Variants in AP3M2 observed in about 807,000 individuals in gnomAD.
AP3M2 encodes the protein adaptor related protein complex 3 subunit mu 2.
A neutral mutation model predicts 41.6 loss-of-function variants in AP3M2; 28 were observed. That is an observed-to-expected ratio of 0.67 (90% CI 0.50 to 0.92). The LOEUF (loss-of-function observed/expected upper bound fraction) is 0.92. Ranked by LOEUF, AP3M2 falls within the 40% of genes least tolerant of loss-of-function variation. The probability of loss-of-function intolerance (pLI) is 0.00; values close to 1 mark genes in which losing one functional copy is unlikely to be tolerated. For missense variants in AP3M2, 427 were observed against 521.4 expected, an observed-to-expected ratio of 0.82 and a Z score of 1.76; for synonymous variants, 193 against 186.4, an observed-to-expected ratio of 1.04 and a Z score of -0.29.
In AP3M2 at chr8:42,167,325, G is replaced by A. The variant is rs1170214200; in HGVS notation, c.965G>A (p.Ser322Asn). Residue 322 changes from serine to asparagine, a missense_variant, in exon 7 of 9, where the codon AGC becomes AAC. Physicochemically the swap from Ser to Asn is conservative, Grantham distance 46 (BLOSUM62 1). Coordinates refer to ENST00000396926, the MANE Select transcript of AP3M2 (RefSeq NM_006803.4). ...SQMPKGVLNM[S>N]LTPSQGTHTF... ...ATGCCCAAGGGGGTCCTGAACATGA[G>A]CCTTACTCCATCACAGGGGACACAC... is the stretch of plus-strand genomic sequence containing the variant. 2 of 1,614,152 alleles carry A rather than the reference G, an allele frequency of 1.2e-6. No homozygotes were observed. The highest frequency in any genetic ancestry group is 2.2e-5 in the East Asian group (1 of 44,874).
rs1352422835 is a variant in AP3M2 at position 42,167,211 on chromosome 8, A to ACAGTAGTT, written c.853_860dup (p.Leu288ValfsTer9). 6.2e-7 allele frequency: 1 copy of ACAGTAGTT among 1,614,016 alleles called. No individual in the cohort carries two copies. Among genetic ancestry groups the ACAGTAGTT allele is most frequent in the Non-Finnish European group, 8.5e-7 (1 of 1,179,978 alleles). On this transcript the variant is annotated frameshift_variant, in exon 7 of 9. Coordinates refer to ENST00000396926, the MANE Select transcript of AP3M2 (RefSeq NM_006803.4). LOFTEE classifies it high-confidence loss of function. ...GTCAAACATAACATCAGTTTCCGGG[A>ACAGTAGTT]CAGTAGTTCCCTTGGACGCTTTGAA...
Position 42,171,060 on chromosome 8 carries a change from A to G in AP3M2, c.*1999A>G, listed in dbSNP as rs1804788458. 6.6e-6 allele frequency: 1 copy of G among 152,292 alleles called. No homozygotes were observed. The highest frequency in any genetic ancestry group is 2.4e-5 in the African/African-American group (1 of 41,478). 9.4% of individuals were successfully genotyped at this position (152,292 alleles called of 1,614,324 possible). A position where few individuals can be genotyped will look rare whatever the true frequency, so the allele number is the denominator to read the frequency against. On this transcript the variant is annotated 3_prime_UTR_variant, in exon 9 of 9. Coordinates refer to ENST00000396926, the MANE Select transcript of AP3M2 (RefSeq NM_006803.4). The stretch of plus-strand genomic sequence containing the variant: ...GAGTGTAGCGGGCATCGCTGCCGCC[A>G]TTCCTGCAGCATCACCATAAGCAGT...
In AP3M2 at chr8:42,154,683, C is replaced by G. The variant is rs1194569012; in HGVS notation, c.-5C>G. On this transcript the variant is annotated 5_prime_UTR_variant, in exon 2 of 9. Coordinates refer to ENST00000396926, the MANE Select transcript of AP3M2 (RefSeq NM_006803.4). ...GGCTTTCTTCTGTCACTGACAATCG[C>G]CACCATGATCCATAGTCTTTTCTTG... The G allele has an allele frequency of 1.2e-6, 2 of 1,612,584 alleles. No homozygotes were observed. The highest frequency in any genetic ancestry group is 3.3e-5 in the Admixed American group (2 of 59,944).
At chr8:42,166,571 A>G (rs1215951921) in intron 6 of AP3M2, among the ~76,000 whole-genome samples, 1 of 136,816 alleles carries the variant, frequency 7.3e-6, no homozygotes, top group African/African-American at 2.7e-5. Context: ...CATGGGCAAC[A>G]TGGCCAAACC....
intron 4 of AP3M2, among the ~76,000 whole-genome samples, chr8:42,163,836 C>G (rs1437776168): frequency 6.6e-6 from 1 of 152,036 alleles, no homozygotes; most frequent in African/African-American, 2.4e-5. Flanking sequence ...ATTCATTGAG[C>G]TGTACACTTT....
In AP3M2 at chr8:42,167,118, T is replaced by C. The variant is rs1024735066; in HGVS notation, c.804-46T>C. 3.2e-6 allele frequency: 5 copies of C among 1,568,510 alleles called. No homozygotes were observed. The African/African-American group carries it at 6.8e-5, about 21-fold the overall frequency. On this transcript the variant is annotated intron_variant, in intron 6 of 8. Transcript: ENST00000396926. The stretch of plus-strand genomic sequence containing the variant: ...CATCATGTGAAAGGAAGAACTACCA[T>C]TTTCCCAGTGCACGAATGAAATGAC...
chr8:42,168,988 A>G lies in AP3M2; in HGVS notation c.1184A>G (p.Tyr395Cys), dbSNP rs899150583. 7 of 1,609,098 alleles carry G rather than the reference A, an allele frequency of 4.4e-6. No individual in the cohort carries two copies. The highest frequency in any genetic ancestry group is 1.1e-5 in the South Asian group (1 of 90,256). Reference sequence around the variant, plus strand: ...CTCAAGGTGAATCGTCTGGATATGTATGGAGAAAAGTACAAACCCTTTAAG... The same window carrying G: ...CTCAAGGTGAATCGTCTGGATATGTGTGGAGAAAAGTACAAACCCTTTAAG... ...SGLKVNRLDM[Y>C]GEKYKPFKGI... Residue 395 changes from tyrosine to cysteine, a missense_variant, in exon 9 of 9, where the codon TAT becomes TGT. Physicochemically the swap from Tyr to Cys is radical, Grantham distance 194. Coordinates refer to ENST00000396926, the MANE Select transcript of AP3M2 (RefSeq NM_006803.4).
chr8:42,162,943 CAA>C (rs67923954), intron 4 of AP3M2, among the ~76,000 whole-genome samples: 199 of 54,188 alleles, frequency 3.7e-3, no homozygotes, highest in African/African-American at 0.017. Context: ...GACCCTGTCT[CAA>C]AAAAAAAAAA....
rs1246762388 is a variant in AP3M2 at position 42,165,558 on chromosome 8, G to A, written c.801G>A (p.Gln267=). The change falls in exon 6 of 9, where the codon CAG becomes CAA. Residue 267 remains glutamine (Q), a splice_region_variant and synonymous_variant. Coordinates refer to ENST00000396926, the MANE Select transcript of AP3M2 (RefSeq NM_006803.4). The stretch of plus-strand genomic sequence containing the variant: ...TGCTGTCTTACCATGTCAGTGCACA[G>A]AAGTAAGCAGCTCTTATAATTAAGA... ...FRLLSYHVSA[Q]NLVAIPVYVK... is the part of the protein sequence containing the mutation. 3 of 1,614,078 alleles carry A rather than the reference G, an allele frequency of 1.9e-6. No individual in the cohort carries two copies. The highest frequency in any genetic ancestry group is 1.7e-4 in the Middle Eastern group (1 of 6,058).
At chr8:42,165,582 G>T (rs1394844873) in intron 6 of AP3M2, 22 bp downstream of exon 6, 19 of 1,613,554 alleles carry the variant, frequency 1.2e-5, no homozygotes, top group Non-Finnish European at 1.6e-5. Context: ...TTATAATTAA[G>T]AATGGAATCC....
intron 3 of AP3M2, among the ~76,000 whole-genome samples, chr8:42,160,721 CCT>C (rs1230718756): frequency 6.6e-6 from 1 of 151,934 alleles, no homozygotes; most frequent in Admixed American, 6.6e-5. Flanking sequence ...ATCCTTTTCC[CCT>C]GTTTTAGAAT....
At chr8:42,153,731 G>C (rs1804275500) in intron 1 of AP3M2, 1 of 152,022 alleles carries the variant, frequency 6.6e-6, no homozygotes, top group African/African-American at 2.4e-5. Context: ...GAACTCGTGA[G>C]CTCCAGCGGT....
At chr8:42,157,906 C>A (rs369959395) in intron 2 of AP3M2, 35 bp from the exon 3 acceptor site, 21 of 1,579,374 alleles carry the variant, frequency 1.3e-5, no homozygotes, top group South Asian at 4.5e-5. Context: ...TTTACAGTAT[C>A]TGAGTGATCA....
In AP3M2 at chr8:42,168,059, G is replaced by A; in HGVS notation, c.1156+249G>A. The A allele has an allele frequency of 3.4e-6, 2 of 591,880 alleles. 1 individual carries two copies. The highest frequency in any genetic ancestry group is 6.1e-6 in the Non-Finnish European group (2 of 330,002). The allele number at this position is 591,880 out of a possible 1,614,324, so 36.7% of individuals were successfully genotyped here. A position where few individuals can be genotyped will look rare whatever the true frequency, so the allele number is the denominator to read the frequency against. On this transcript the variant is annotated intron_variant, in intron 8 of 8. Transcript: ENST00000396926. ...CACTGAGAAAGAAACAGTATTGGTA[G>A]AAGGAAGTATTCACTAGCCATTTTT...
intron 3 of AP3M2, among the ~76,000 whole-genome samples, chr8:42,161,179 T>A (rs1294655452): frequency 6.6e-6 from 1 of 152,164 alleles, no homozygotes; most frequent in Non-Finnish European, 1.5e-5. Context: ...GGTGCATGCC[T>A]GTGGTCCCAG....
At position 42,162,294 on chromosome 8, in the gene AP3M2, G is replaced by A. The variant is rs1804527204; in HGVS notation, c.459G>A (p.Val153=). The stretch of plus-strand genomic sequence containing the variant: ...TAATTGCCTCAGGAAGCACGAATGT[G>A]GGTGACCAGCTTCCCACTGGGCAGC... ...VVNTITGSTN[V]GDQLPTGQLS... Residue 153 remains valine (V), a synonymous_variant, in exon 4 of 9, where the codon GTG becomes GTA. Coordinates refer to ENST00000396926, the MANE Select transcript of AP3M2 (RefSeq NM_006803.4). The A allele has an allele frequency of 3.7e-6, 6 of 1,611,674 alleles. No individual in the cohort carries two copies. Among genetic ancestry groups the A allele is most frequent in the Non-Finnish European group, 5.1e-6 (6 of 1,179,056 alleles).
rs749431364 is a variant in AP3M2 at position 42,158,797 on chromosome 8, C to CT, written c.445+699dup. 6.5e-3 allele frequency among the ~76,000 whole-genome samples: 928 copies of CT among 141,696 alleles called. 6 individuals carry two copies. Among genetic ancestry groups the CT allele is most frequent in the African/African-American group, 0.018 (718 of 38,984 alleles). The allele number at this position is 141,696 out of a possible 152,430, so 93.0% of individuals were successfully genotyped here. A position where few individuals can be genotyped will look rare whatever the true frequency, so the allele number is the denominator to read the frequency against. ...CCATGATGATGTCTTCTACATGGTT[C>CT]TTTTTTTTTTTTTTGAGATGGCGTC... On this transcript the variant is annotated intron_variant, in intron 3 of 8. Transcript: ENST00000396926.
chr8:42,155,012 G>A (rs1804319207), intron 2 of AP3M2, 52 bp downstream of exon 2: 1 of 1,473,464 alleles, frequency 6.8e-7, no homozygotes, highest in Non-Finnish European at 9.4e-7. Flanking sequence ...TGTCTTTGTA[G>A]TCCTGTTTCC....
At position 42,170,310 on chromosome 8, in the gene AP3M2, A is replaced by T. The variant is rs891406271; in HGVS notation, c.*1249A>T. 6.6e-6 allele frequency: 1 copy of T among 152,154 alleles called. No homozygotes were observed. The highest frequency in any genetic ancestry group is 2.4e-5 in the African/African-American group (1 of 41,442). The allele number at this position is 152,154 out of a possible 1,614,324, so 9.4% of individuals were successfully genotyped here. A position where few individuals can be genotyped will look rare whatever the true frequency, so the allele number is the denominator to read the frequency against. On this transcript the variant is annotated 3_prime_UTR_variant, in exon 9 of 9. Coordinates refer to ENST00000396926, the MANE Select transcript of AP3M2 (RefSeq NM_006803.4). ...GTCCCTTTTCATTCTAAGACAAAAC[A>T]TTTCTCCTAAATCTCTGAATAAAAT...
Sources: gnomAD v4.1 joint callset for allele counts (sites outside exome capture counted in the v4.1 genomes callset) on GRCh38, gnomAD v4.1.1 for gene constraint, MANE v1.5 for transcripts, NCBI Gene and HGNC (gene_info 2026-07-23, HGNC 2026-07-21) for gene names.